Variants in NECTIN1 observed in about 807,000 individuals in gnomAD.
NECTIN1 encodes the protein nectin cell adhesion molecule 1, also known as nectin-1.
A neutral mutation model predicts 48.0 loss-of-function variants in NECTIN1; 23 were observed. The observed-to-expected ratio is 0.48, with a 90% confidence interval of 0.34 to 0.68. The LOEUF (loss-of-function observed/expected upper bound fraction) is 0.68, where lower values mean the gene tolerates loss of function less well. Among genes scored for constraint, NECTIN1 ranks in the 30% least tolerant of loss-of-function variants. NECTIN1 has a pLI of 0.01. For missense variants in NECTIN1, 591 were observed against 709.9 expected, an observed-to-expected ratio of 0.83 and a Z score of 1.90; for synonymous variants, 270 against 288.9, an observed-to-expected ratio of 0.93 and a Z score of 0.66.
intron 1 of NECTIN1, among the ~76,000 whole-genome samples, chr11:119,724,347 G>A (rs1198103326): frequency 6.6e-6 from 1 of 152,162 alleles, no homozygotes; most frequent in Non-Finnish European, 1.5e-5. Context: ...GGAGACAACA[G>A]AAGGCTGACA....
At chr11:119,675,060 G>T in intron 5 of NECTIN1, 99 bp downstream of exon 5, 2 of 1,376,264 alleles carry the variant, frequency 1.5e-6, no homozygotes, top group Non-Finnish European at 2.0e-6. Context: ...GCAGGAAAAG[G>T]AGATAATCTT....
rs762508350 is a variant in NECTIN1, at chr11:119,678,385, T to G, written c.430+30A>C. On this transcript the variant is annotated intron_variant, in intron 2 of 5. Coordinates refer to ENST00000264025, the MANE Select transcript of NECTIN1 (RefSeq NM_002855.5). This position sits in a 1 kb window ranked among gnomAD's most constrained non-coding sequence, Gnocchi z 4.4. ...CGCCCCGAGGTCACAGGCCTCTGGA[T>G]GAACAGGGAGGGGGCCCAGGGCAGC... is the stretch of plus-strand genomic sequence containing the variant. 2 of 1,598,652 alleles carry G rather than the reference T, an allele frequency of 1.3e-6. No individual in the cohort carries two copies. Among genetic ancestry groups the G allele is most frequent in the Non-Finnish European group, 1.7e-6 (2 of 1,166,338 alleles).
At chr11:119,699,706 G>A (rs540043887) in intron 1 of NECTIN1, among the ~76,000 whole-genome samples, 57 of 152,368 alleles carry the variant, frequency 3.7e-4, no homozygotes, top group African/African-American at 1.3e-3. Context: ...GAGTGCTCAT[G>A]AAGTCCTCAG....
chr11:119,685,763 C>T (rs1242897439), intron 1 of NECTIN1, among the ~76,000 whole-genome samples: 1 of 152,242 alleles, frequency 6.6e-6, no homozygotes, highest in East Asian at 1.9e-4. Context: ...GGATCACTCT[C>T]CTGTACCTGC....
intron 1 of NECTIN1, among the ~76,000 whole-genome samples, chr11:119,696,221 G>T (rs553133143): frequency 1.3e-5 from 2 of 152,342 alleles, no homozygotes; most frequent in South Asian, 2.1e-4. Context: ...TAGGATTACA[G>T]GCGTGAGCCA....
At chr11:119,707,113 G>A (rs1190311208) in intron 1 of NECTIN1, among the ~76,000 whole-genome samples, 3 of 152,154 alleles carry the variant, frequency 2.0e-5, no homozygotes. Context: ...GGGAAAGGCC[G>A]TTTCATCCTT....
Position 119,664,854 on chromosome 11 carries a change from C to T in NECTIN1, c.1447G>A (p.Asp483Asn). 6.2e-7 allele frequency: 1 copy of T among 1,613,998 alleles called. No homozygotes were observed. The highest frequency in any genetic ancestry group is 2.2e-5 in the East Asian group (1 of 44,876). ...TCGTACTGGTAGCCCAGAGTCCGGT[C>T]CCCGTAGCCGTCCTGACGGGCCTCG... ...EAEARQDGYGDRTLGYQYDPE... is the reference protein window; with the variant it reads ...EAEARQDGYGNRTLGYQYDPE... The change falls in exon 6 of 6, where the codon GAC becomes AAC. Residue 483 changes from aspartate to asparagine, a missense_variant. By Grantham distance (23) the Asp-to-Asn change is conservative. Coordinates refer to ENST00000264025, the MANE Select transcript of NECTIN1 (RefSeq NM_002855.5).
chr11:119,638,916 G>A lies in NECTIN1; in HGVS notation c.1152-110C>T. ...GAGCCCCACTCACAAGAGCAGGCCC[G>A]GGAGCTCTGCTTCCCAGGCAGCCTC... On this transcript the variant is annotated intron_variant, in intron 6 of 7. Coordinates refer to the NECTIN1 transcript ENST00000341398. 5 of 934,008 alleles carry A rather than the reference G, an allele frequency of 5.4e-6. 1 individual carries two copies. The South Asian group carries it at 6.9e-5, about 13-fold the overall frequency. The allele number at this position is 934,008 out of a possible 1,614,324, so 57.9% of individuals were successfully genotyped here. A position where few individuals can be genotyped will look rare whatever the true frequency, so the allele number is the denominator to read the frequency against.
intron 1 of NECTIN1, among the ~76,000 whole-genome samples, chr11:119,711,076 C>G (rs1266976264): frequency 7.6e-6 from 1 of 131,256 alleles, no homozygotes; most frequent in African/African-American, 2.9e-5. Context: ...AAAAAAAAAA[C>G]CAAAAACAGA....
intron 1 of NECTIN1, among the ~76,000 whole-genome samples, chr11:119,686,372 C>A (rs1198974436): frequency 1.3e-5 from 2 of 152,182 alleles, no homozygotes; most frequent in Non-Finnish European, 2.9e-5. Flanking sequence ...TTTCCCCAAG[C>A]CTTGCCCCTT....
rs372767853 is a variant in NECTIN1, at chr11:119,667,021, C to T, written c.1004-1724G>A. ...AGAGGAGCACTGCCATGGAGGACCC[C>T]GCTCCCCACCTGCCACCACCATCCT... On this transcript the variant is annotated intron_variant, in intron 5 of 5. Transcript: ENST00000264025. Among the ~76,000 whole-genome samples, 46 of 152,208 alleles carry T rather than the reference C, an allele frequency of 3.0e-4. 1 individual carries two copies. The South Asian group carries it at 8.3e-3, about 27-fold the overall frequency.
rs776020561 is a variant in NECTIN1, at chr11:119,664,785, C to G, written c.1516G>C (p.Asp506His). ...DLAENMVSQN[D>H]GSFISKKEWY... ...TCCTTCTTGGAAATGAAAGACCCGT[C>G]GTTCTGAGAAACCATGTTCTCAGCC... is the stretch of plus-strand genomic sequence containing the variant. Residue 506 changes from aspartate (D) to histidine (H), a missense_variant, in exon 6 of 6, where the codon GAC becomes CAC. By Grantham distance (81) the Asp-to-His change is moderately conservative. Transcript: ENST00000264025. The G allele has an allele frequency of 1.2e-6, 2 of 1,612,940 alleles. No individual in the cohort carries two copies. The highest frequency in any genetic ancestry group is 1.3e-5 in the African/African-American group (1 of 74,858).
intron 5 of NECTIN1, among the ~76,000 whole-genome samples, chr11:119,651,996 GC>G (rs1864498269): frequency 6.6e-6 from 1 of 152,140 alleles, no homozygotes; most frequent in South Asian, 2.1e-4. Flanking sequence ...TGGTTGCAGA[GC>G]CCAGCCCCCT....
At position 119,662,036 on chromosome 11, in the gene NECTIN1, T is replaced by G; in HGVS notation, c.*2711A>C. On this transcript the variant is annotated 3_prime_UTR_variant, in exon 6 of 6. Transcript: ENST00000264025. The surrounding 1 kb of genome is among the most constrained non-coding windows in gnomAD (Gnocchi z 5.3). ...CACATTAGAACAATATCAAAATCTG[T>G]AAGGAAACAGGGGCATGGGTGTGGG... 1 of 984,492 alleles carries G rather than the reference T, an allele frequency of 1.0e-6. No homozygotes were observed. The highest frequency in any genetic ancestry group is 1.2e-6 in the Non-Finnish European group (1 of 829,620). The allele number at this position is 984,492 out of a possible 1,614,324, so 61.0% of individuals were successfully genotyped here.
At chr11:119,706,849 CATT>C in intron 1 of NECTIN1, among the ~76,000 whole-genome samples, 1 of 152,180 alleles carries the variant, frequency 6.6e-6, no homozygotes, top group Non-Finnish European at 1.5e-5. Context: ...GGGTTTATAT[CATT>C]ATCCCACTTT....
intron 5 of NECTIN1, chr11:119,642,816 C>G (rs1864346327): frequency 6.5e-6 from 1 of 153,660 alleles, no homozygotes; most frequent in Non-Finnish European, 1.5e-5. Context: ...AATGTAAATG[C>G]TGTGTAAATG....
intron 1 of NECTIN1, among the ~76,000 whole-genome samples, chr11:119,698,046 A>C (rs1865372730): frequency 6.6e-6 from 1 of 152,250 alleles, no homozygotes; most frequent in Admixed American, 6.5e-5. Flanking sequence ...ATGTGGATCC[A>C]ACTAGTGCCC....
chr11:119,638,552 G>A (rs1864271381), intron 7 of NECTIN1, among the ~76,000 whole-genome samples: 1 of 152,152 alleles, frequency 6.6e-6, no homozygotes, highest in Admixed American at 6.5e-5. Context: ...AGAGTCCTAG[G>A]TTGTCATCTC....
At chr11:119,723,856 TCTG>T (rs1865868834) in intron 1 of NECTIN1, among the ~76,000 whole-genome samples, 1 of 152,170 alleles carries the variant, frequency 6.6e-6, no homozygotes, top group Middle Eastern at 3.2e-3. Flanking sequence ...AGCCAGCACA[TCTG>T]CTGCTGGCTC....
Sources: allele counts gnomAD v4.1 joint callset (sites outside exome capture counted in the v4.1 genomes callset), GRCh38; gene constraint gnomAD v4.1.1; non-coding constraint Gnocchi (gnomAD v3.1); transcripts MANE v1.5; gene names NCBI Gene and HGNC (gene_info 2026-07-23, HGNC 2026-07-21).